ARHGAP25: variants seen among roughly 807,000 people sequenced by gnomAD.
ARHGAP25 encodes the protein rho GTPase-activating protein 25.
In ARHGAP25, 34 loss-of-function variants were observed where a neutral mutation model predicts 71.0. The ratio of observed to expected loss-of-function variants is 0.48; its 90% confidence interval spans 0.36 to 0.64. The LOEUF (loss-of-function observed/expected upper bound fraction) is 0.64. ARHGAP25 is among the 30% of genes least tolerant of loss of function. The probability of loss-of-function intolerance (pLI) is 0.00; values close to 1 mark genes in which losing one functional copy is unlikely to be tolerated. For missense variants in ARHGAP25, 706 were observed against 805.1 expected (o/e 0.88, Z 1.49); for synonymous variants, 282 against 296.5 (o/e 0.95, Z 0.50).
Position 68,784,438 on chromosome 2 carries a change from T to G in ARHGAP25, c.349+2118T>G, listed in dbSNP as rs528229553. Among the ~76,000 whole-genome samples the G allele has an allele frequency of 3.0e-3, 458 of 152,288 alleles. 4 individuals are homozygous for G. Among genetic ancestry groups the G allele is most frequent in the Middle Eastern group, 0.014 (4 of 294 alleles). ...CTTCCCAGATAGGATCCTCTCTCTG[T>G]GATCACCAGTTTTAGTTGCACAAAC... On this transcript the variant is annotated intron_variant, in intron 3 of 10. Transcript: ENST00000409202.
intron 2 of ARHGAP25, among the ~76,000 whole-genome samples, chr2:68,716,373 A>G (rs1168008204): frequency 6.6e-6 from 1 of 152,176 alleles, no homozygotes; most frequent in African/African-American, 2.4e-5. Context: ...CATCCATGTA[A>G]CCCTCTTGGA....
In ARHGAP25 at chr2:68,753,904, A is replaced by ATT. The variant is rs4071637; in HGVS notation, c.61+18659_61+18660dup. ...TTTAAATGGTCATTCGGTAAGATGT[A>ATT]TTTTTTTTTTTTTTTTGAGATGGAG... On this transcript the variant is annotated intron_variant, in intron 1 of 10. Transcript: ENST00000409202. Among the ~76,000 whole-genome samples, 720 of 141,390 alleles carry ATT rather than the reference A, an allele frequency of 5.1e-3. 8 individuals are homozygous for ATT. Among genetic ancestry groups the ATT allele is most frequent in the African/African-American group, 0.016 (605 of 38,332 alleles). The allele number at this position is 141,390 out of a possible 152,430, so 92.8% of individuals were successfully genotyped here. A position where few individuals can be genotyped will look rare whatever the true frequency, so the allele number is the denominator to read the frequency against.
chr2:68,781,805 C>A (rs905433654), intron 2 of ARHGAP25, among the ~76,000 whole-genome samples: 8 of 152,172 alleles, frequency 5.3e-5, no homozygotes, highest in Non-Finnish European at 7.3e-5. Flanking sequence ...ACTCAATACC[C>A]CATCCCCTCC....
chr2:68,792,105 C>T (rs1162315160), intron 4 of ARHGAP25, among the ~76,000 whole-genome samples: 1 of 152,156 alleles, frequency 6.6e-6, no homozygotes, highest in East Asian at 1.9e-4. Flanking sequence ...CAAATCATCA[C>T]ACTCTGTCCA....
intron 2 of ARHGAP25, among the ~76,000 whole-genome samples, chr2:68,778,265 T>C (rs1408323438): frequency 6.6e-6 from 1 of 152,162 alleles, no homozygotes; most frequent in Non-Finnish European, 1.5e-5. Flanking sequence ...ATGCTCCTAA[T>C]TAATACTTTT....
chr2:68,780,427 C>A (rs1020824988), intron 2 of ARHGAP25, among the ~76,000 whole-genome samples: 3 of 152,154 alleles, frequency 2.0e-5, no homozygotes, highest in Non-Finnish European at 2.9e-5. Context: ...TCCAAAGTAG[C>A]TCAGCAGCAC....
chr2:68,733,218 T>G (rs979934430), upstream of ARHGAP25, among the ~76,000 whole-genome samples: 1 of 151,676 alleles, frequency 6.6e-6, no homozygotes, highest in African/African-American at 2.4e-5. Context: ...GGGCTCAGAG[T>G]TGGAGAGAGC....
chr2:68,773,739 T>C (rs1478836239), intron 1 of ARHGAP25, among the ~76,000 whole-genome samples: 1 of 152,176 alleles, frequency 6.6e-6, no homozygotes, highest in Non-Finnish European at 1.5e-5. Context: ...TGGAATGACA[T>C]TTTGAAGTGA....
chr2:68,798,657 G>A (rs1573567102), intron 4 of ARHGAP25, among the ~76,000 whole-genome samples: 1 of 152,186 alleles, frequency 6.6e-6, no homozygotes, highest in East Asian at 1.9e-4. Context: ...GACACTATAT[G>A]AGGAAAAAAT....
intron 1 of ARHGAP25, among the ~76,000 whole-genome samples, chr2:68,736,061 A>T (rs1675198403): frequency 6.6e-6 from 1 of 152,196 alleles, no homozygotes; most frequent in Non-Finnish European, 1.5e-5. Context: ...TATGTATCTC[A>T]CCCATACATG....
chr2:68,822,690 C>G lies in ARHGAP25; in HGVS notation c.1551C>G (p.Ala517=). 6.2e-7 allele frequency: 1 copy of G among 1,614,182 alleles called. No individual in the cohort carries two copies. Among genetic ancestry groups the G allele is most frequent in the Non-Finnish European group, 8.5e-7 (1 of 1,180,032 alleles). ...PSLPGSPGEE[A]SALSSQACDS... is the part of the protein sequence containing the mutation. ...TGCCAGGGTCCCCTGGGGAGGAAGC[C>G]AGTGCACTCTCTTCCCAAGCCTGTG... Residue 517 remains alanine, a synonymous_variant, in exon 10 of 11, where the codon GCC becomes GCG. Transcript: ENST00000409202.
chr2:68,775,881 G>A (rs1314609724), intron 2 of ARHGAP25: 18 of 335,590 alleles, frequency 5.4e-5, no homozygotes, highest in Admixed American at 8.4e-5. Context: ...TTAGAATGTG[G>A]AGGAAAAGAC....
At chr2:68,742,290 A>T (rs1417889849) in intron 1 of ARHGAP25, among the ~76,000 whole-genome samples, 1 of 152,212 alleles carries the variant, frequency 6.6e-6, no homozygotes, top group Non-Finnish European at 1.5e-5. Context: ...CCTGAGTGTG[A>T]TGTGAATACT....
chr2:68,807,612 G>A (rs372878952), intron 5 of ARHGAP25, 132 bp downstream of exon 5: 18 of 912,454 alleles, frequency 2.0e-5, no homozygotes, highest in African/African-American at 1.0e-4. Flanking sequence ...ACAACAGAAA[G>A]AGCCTTTGTT....
At chr2:68,821,959 T>G (rs1046865299) in intron 9 of ARHGAP25, among the ~76,000 whole-genome samples, 3 of 151,678 alleles carry the variant, frequency 2.0e-5, no homozygotes, top group African/African-American at 4.8e-5. Context: ...GTTCTTTTGT[T>G]TTTATTTTTG....
intron 1 of ARHGAP25, among the ~76,000 whole-genome samples, chr2:68,748,060 A>G (rs890685360): frequency 6.6e-6 from 1 of 152,156 alleles, no homozygotes; most frequent in African/African-American, 2.4e-5. Flanking sequence ...TATACTTAGG[A>G]TTAAATTCAA....
At chr2:68,720,530 C>T (rs956055892) in intron 2 of ARHGAP25, among the ~76,000 whole-genome samples, 1 of 152,178 alleles carries the variant, frequency 6.6e-6, no homozygotes, top group Non-Finnish European at 1.5e-5. Flanking sequence ...TCTTCACCTT[C>T]CTGATTCCCA....
In ARHGAP25 at chr2:68,818,836, G is replaced by T. The variant is rs562512485; in HGVS notation, c.1004-287G>T. Among the ~76,000 whole-genome samples, 3 of 152,362 alleles carry T rather than the reference G, an allele frequency of 2.0e-5. No individual in the cohort carries two copies. In the South Asian group the frequency reaches 6.2e-4, roughly 32 times the overall value. On this transcript the variant is annotated intron_variant, in intron 8 of 10. Coordinates refer to ENST00000409202, the MANE Select transcript of ARHGAP25 (RefSeq NM_001007231.3). ...AGAGAAAGATATCTTCATTTTCTCT[G>T]CTGTTTTATTGCCTACTTTCCTGAT... is the stretch of plus-strand genomic sequence containing the variant.
At chr2:68,720,088 A>G (rs1013401955) in intron 2 of ARHGAP25, among the ~76,000 whole-genome samples, 29 of 152,188 alleles carry the variant, frequency 1.9e-4, no homozygotes, top group Non-Finnish European at 1.8e-4. Flanking sequence ...CCTGTGCACT[A>G]TCAGCTGACT....
Sources: gnomAD v4.1 joint callset for allele counts (sites outside exome capture counted in the v4.1 genomes callset) on GRCh38, gnomAD v4.1.1 for gene constraint, MANE v1.5 for transcripts, NCBI Gene and HGNC (gene_info 2026-07-23, HGNC 2026-07-21) for gene names.